DENND1A: variants seen among roughly 807,000 people sequenced by gnomAD.
DENND1A encodes DENN domain-containing protein 1A.
A neutral mutation model predicts 113.7 loss-of-function variants in DENND1A; 51 were observed. The observed-to-expected ratio is 0.45, with a 90% CI of 0.36 to 0.57. DENND1A has a LOEUF of 0.57. Among genes scored for constraint, DENND1A ranks in the 20% least tolerant of loss-of-function variants. DENND1A has a pLI of 0.00. For synonymous variants in DENND1A, 565 were observed against 570.8 expected, an observed-to-expected ratio of 0.99 and a Z score of 0.14; for missense variants, 1,258 against 1,395.9, an observed-to-expected ratio of 0.90 and a Z score of 1.57.
intron 5 of DENND1A, among the ~76,000 whole-genome samples, chr9:123,684,208 C>T: frequency 6.6e-6 from 1 of 152,280 alleles, no homozygotes; most frequent in Middle Eastern, 3.4e-3. Flanking sequence ...TTTTCAAGCA[C>T]ACGTGAACCC....
intron 1 of DENND1A, among the ~76,000 whole-genome samples, chr9:123,879,267 T>C (rs967416763): frequency 2.3e-4 from 35 of 152,110 alleles, no homozygotes; most frequent in Non-Finnish European, 2.9e-5. Context: ...GTGTGGTGGC[T>C]CACACCTGTA....
intron 13 of DENND1A, among the ~76,000 whole-genome samples, chr9:123,498,713 GTC>G (rs199500294): frequency 4.0e-5 from 6 of 150,846 alleles, no homozygotes; most frequent in African/African-American, 7.3e-5. Context: ...CACTTAACCA[GTC>G]TCTCTCTCTC....
intron 13 of DENND1A, among the ~76,000 whole-genome samples, chr9:123,547,108 T>A (rs894057428): frequency 6.6e-5 from 10 of 152,236 alleles, no homozygotes; most frequent in African/African-American, 2.2e-4. Flanking sequence ...CTGAACAACA[T>A]CAGTGTCCCT....
At chr9:123,845,357 T>G (rs764498862) in intron 2 of DENND1A, among the ~76,000 whole-genome samples, 1 of 152,114 alleles carries the variant, frequency 6.6e-6, no homozygotes, top group African/African-American at 2.4e-5. Flanking sequence ...TAAGCATATA[T>G]AAAAATCAAC....
chr9:123,715,312 A>G (rs2066901426), intron 5 of DENND1A, among the ~76,000 whole-genome samples: 1 of 152,246 alleles, frequency 6.6e-6, no homozygotes, highest in South Asian at 2.1e-4. Flanking sequence ...GGTTGGCAGT[A>G]TATCCCACTG....
At chr9:123,604,524 A>G (rs895517651) in intron 11 of DENND1A, among the ~76,000 whole-genome samples, 2 of 152,214 alleles carry the variant, frequency 1.3e-5, no homozygotes, top group African/African-American at 4.8e-5. Context: ...AAAGGAATGT[A>G]TATTGTGTCC....
At chr9:123,701,049 A>G (rs548429292) in intron 5 of DENND1A, among the ~76,000 whole-genome samples, 75 of 152,356 alleles carry the variant, frequency 4.9e-4, no homozygotes, top group African/African-American at 1.7e-3. Context: ...ATTTATAGAA[A>G]TGGACTGAAG....
At chr9:123,712,940 T>G (rs556139757) in intron 5 of DENND1A, among the ~76,000 whole-genome samples, 98 of 152,352 alleles carry the variant, frequency 6.4e-4, no homozygotes, top group African/African-American at 2.3e-3. Context: ...CAAAGGCGAA[T>G]GTCCCCCAAA....
chr9:123,729,838 G>A (rs953060480), intron 5 of DENND1A, among the ~76,000 whole-genome samples: 3 of 152,008 alleles, frequency 2.0e-5, no homozygotes, highest in Non-Finnish European at 4.4e-5. Context: ...TGGAGGGATC[G>A]CACTACCTGA....
At chr9:123,755,279 C>T (rs774697778) in intron 5 of DENND1A, among the ~76,000 whole-genome samples, 44 of 151,842 alleles carry the variant, frequency 2.9e-4, no homozygotes, top group Non-Finnish European at 5.4e-4. Context: ...CCTGCCACCA[C>T]TCCGGCTAAT....
In DENND1A at chr9:123,464,834, A is replaced by C. The variant is rs377403376; in HGVS notation, c.994-6937T>G. ...GAGATGGGTTCACTGACTTTGTATA[A>C]GTTTGAAATTTTCCATAATAAAAAG... On this transcript the variant is annotated intron_variant, in intron 13 of 23. Transcript: ENST00000394215. Among the ~76,000 whole-genome samples, 49 of 151,994 alleles carry C rather than the reference A, an allele frequency of 3.2e-4. No individual in the cohort carries two copies. The Middle Eastern group carries it at 0.01, about 32-fold the overall frequency.
At chr9:123,636,787 G>T (rs923302402) in intron 9 of DENND1A, among the ~76,000 whole-genome samples, 6 of 146,088 alleles carry the variant, frequency 4.1e-5, no homozygotes, top group Non-Finnish European at 7.4e-5. Context: ...CACAACCTCT[G>T]CCTGCCAGGT....
intron 5 of DENND1A, among the ~76,000 whole-genome samples, chr9:123,700,337 C>A (rs1431829442): frequency 6.6e-6 from 1 of 152,140 alleles, no homozygotes; most frequent in Non-Finnish European, 1.5e-5. Context: ...TTGGGGAGAA[C>A]TGACATCTGT....
chr9:123,556,849 T>C (rs1837325375), intron 13 of DENND1A, among the ~76,000 whole-genome samples: 1 of 152,230 alleles, frequency 6.6e-6, no homozygotes, highest in African/African-American at 2.4e-5. Context: ...GAAGAACTTC[T>C]CTCTGAAGCT....
At chr9:123,506,557 G>C (rs2052954258) in intron 13 of DENND1A, among the ~76,000 whole-genome samples, 1 of 116,692 alleles carries the variant, frequency 8.6e-6, no homozygotes, top group Non-Finnish European at 1.7e-5. Context: ...ACTCCAGCCT[G>C]GTGACAGAGT....
At chr9:123,721,448 T>C (rs1438382875) in intron 5 of DENND1A, among the ~76,000 whole-genome samples, 1 of 152,216 alleles carries the variant, frequency 6.6e-6, no homozygotes, top group African/African-American at 2.4e-5. Flanking sequence ...CCCATCCACC[T>C]GGGTAACATT....
chr9:123,643,220 C>T (rs1490260589), intron 9 of DENND1A, among the ~76,000 whole-genome samples: 4 of 152,116 alleles, frequency 2.6e-5, no homozygotes, highest in African/African-American at 4.8e-5. Context: ...TTTTTGTTGA[C>T]GCAGTTAGGA....
At chr9:123,767,912 T>A (rs1829086556) in intron 4 of DENND1A, among the ~76,000 whole-genome samples, 1 of 152,196 alleles carries the variant, frequency 6.6e-6, no homozygotes, top group African/African-American at 2.4e-5. Context: ...TTATAAAACA[T>A]TTCAGTTTTA....
At chr9:123,635,479 G>A (rs1162081270) in intron 9 of DENND1A, among the ~76,000 whole-genome samples, 2 of 152,200 alleles carry the variant, frequency 1.3e-5, no homozygotes, top group Admixed American at 6.5e-5. Flanking sequence ...AAAAGTATTC[G>A]AGTGTATACC....
Sources: gnomAD v4.1 joint callset for allele counts (sites outside exome capture counted in the v4.1 genomes callset) on GRCh38, gnomAD v4.1.1 for gene constraint, MANE v1.5 for transcripts, NCBI Gene and HGNC (gene_info 2026-07-23, HGNC 2026-07-21) for gene names.